Variants in LPCAT3 observed in about 807,000 individuals in gnomAD.
The protein encoded by LPCAT3 is lysophosphatidylcholine acyltransferase 3.
A neutral mutation model predicts 63.4 loss-of-function variants in LPCAT3; 21 were observed. The ratio of observed to expected loss-of-function variants is 0.33; its 90% confidence interval spans 0.23 to 0.48. The LOEUF is 0.48. Among genes scored for constraint, LPCAT3 ranks in the 20% least tolerant of loss-of-function variants. The pLI is 0.99. For missense variants in LPCAT3, 451 were observed against 590.6 expected (o/e 0.76, Z 2.45); for synonymous variants, 242 against 227.5 (o/e 1.06, Z -0.58).
intron 1 of LPCAT3, among the ~76,000 whole-genome samples, chr12:7,007,191 C>T (rs1187564150): frequency 1.3e-5 from 2 of 151,280 alleles, no homozygotes; most frequent in Non-Finnish European, 2.9e-5. Context: ...TTACAAGCGC[C>T]TGCCACCATG....
At chr12:6,985,265 G>A (rs894164356) in intron 1 of LPCAT3, among the ~76,000 whole-genome samples, 2 of 151,922 alleles carry the variant, frequency 1.3e-5, no homozygotes, top group African/African-American at 2.4e-5. Flanking sequence ...GTGTGGTGGC[G>A]GGCGCCTATA....
rs1555153476 is a variant in LPCAT3, at chr12:6,977,629, A to G, written c.1157T>C (p.Met386Thr). Residue 386 changes from methionine to threonine, a missense_variant, in exon 10 of 13, where the codon ATG becomes ACG. Met to Thr is a moderately conservative substitution (Grantham distance 81). Around this residue, in one of 3 missense-constraint regions of LPCAT3, gnomAD observed 304 missense variants for 390.8 expected, o/e 0.78. Transcript: ENST00000261407. This position sits in a 1 kb window ranked among gnomAD's most constrained non-coding sequence, Gnocchi z 4.5. The stretch of plus-strand genomic sequence containing the variant: ...TTCCACAATAACAATGAGGAATTCC[A>G]TCTGGAAGCAGACCAGGTATCCTGA... ...LHSGYLVCFQ[M>T]EFLIVIVERQ... is the part of the protein sequence containing the mutation. 2 of 1,614,188 alleles carry G rather than the reference A, an allele frequency of 1.2e-6. No homozygotes were observed. The highest frequency in any genetic ancestry group is 1.7e-6 in the Non-Finnish European group (2 of 1,180,028).
intron 5 of LPCAT3, 107 bp from the exon 6 acceptor site, chr12:6,981,289 T>G: frequency 1.1e-6 from 1 of 895,940 alleles, no homozygotes; most frequent in Non-Finnish European, 1.7e-6. Flanking sequence ...GTTCTTCAAA[T>G]AGCCTTCTCT....
chr12:6,996,452 T>G (rs1408716774), intron 1 of LPCAT3, among the ~76,000 whole-genome samples: 1 of 152,242 alleles, frequency 6.6e-6, no homozygotes, highest in East Asian at 1.9e-4. Flanking sequence ...TATTACCTTT[T>G]GACATACCAT....
chr12:6,987,082 C>T lies in LPCAT3; in HGVS notation c.152-3543G>A, dbSNP rs1248425424. ...GAGCTGAGATCACGCCATTGCACTC[C>T]AGCTTGGGCAACGAGCAAGATTCTG... On this transcript the variant is annotated intron_variant, in intron 1 of 12. Transcript: ENST00000261407. This position sits in a 1 kb window ranked among gnomAD's most constrained non-coding sequence, Gnocchi z 4.1. Among the ~76,000 whole-genome samples the T allele has an allele frequency of 6.6e-6, 1 of 151,356 alleles. No homozygotes were observed. The highest frequency in any genetic ancestry group is 1.9e-4 in the East Asian group (1 of 5,180).
intron 1 of LPCAT3, among the ~76,000 whole-genome samples, chr12:6,990,740 T>C (rs1346195440): frequency 6.6e-6 from 1 of 150,516 alleles, no homozygotes; most frequent in African/African-American, 2.4e-5. Flanking sequence ...CTGGCCAACA[T>C]GGTGAAACCC....
chr12:7,000,831 T>C (rs911505169), intron 1 of LPCAT3, among the ~76,000 whole-genome samples: 9 of 151,646 alleles, frequency 5.9e-5, no homozygotes, highest in East Asian at 2.0e-4. Flanking sequence ...CTCAGCCTCC[T>C]GGGTAGCTGG....
chr12:7,013,865 C>A (rs2138363196), intron 1 of LPCAT3, among the ~76,000 whole-genome samples: 1 of 152,376 alleles, frequency 6.6e-6, no homozygotes, highest in Middle Eastern at 3.4e-3. Context: ...TTATTCCCCA[C>A]TCAAAAATCT....
At chr12:6,988,839 CTTG>C (rs1179500050) in intron 1 of LPCAT3, among the ~76,000 whole-genome samples, 59 of 152,242 alleles carry the variant, frequency 3.9e-4, no homozygotes, top group African/African-American at 1.2e-3. Context: ...TTTGTAAGAA[CTTG>C]TTGGCCGGGC....
Position 7,018,319 on chromosome 12 carries a change from C to T in LPCAT3, c.106G>A (p.Gly36Ser). 7 of 1,609,828 alleles carry T rather than the reference C, an allele frequency of 4.3e-6. No homozygotes were observed. The highest frequency in any genetic ancestry group is 2.2e-5 in the East Asian group (1 of 44,704). Residue 36 changes from glycine (G) to serine (S), a missense_variant, in exon 1 of 13, where the codon GGC (glycine) becomes AGC (serine). By Grantham distance (56) the Gly-to-Ser change is moderately conservative. Coordinates refer to ENST00000261407, the MANE Select transcript of LPCAT3 (RefSeq NM_005768.6). This position sits in a 1 kb window ranked among gnomAD's most constrained non-coding sequence, Gnocchi z 4.9. ...AGCCGCAGCGCCTGTTCTGACGCGC[C>T]CAGGGACGTCGCCAACTTGTTAAGG... ...LSLNKLATSL[G>S]ASEQALRLII...
chr12:6,996,113 C>T (rs746082414), intron 1 of LPCAT3, among the ~76,000 whole-genome samples: 5 of 152,254 alleles, frequency 3.3e-5, no homozygotes, highest in Non-Finnish European at 5.9e-5. Context: ...TCCCTCTGCC[C>T]GGGCCCCACT....
intron 1 of LPCAT3, among the ~76,000 whole-genome samples, chr12:6,986,118 GCTCTTAAATTTATAGCTTCATGCAA>G (rs1946523309): frequency 5.9e-5 from 9 of 152,016 alleles, no homozygotes; most frequent in Non-Finnish European, 1.5e-5. Context: ...AATAGGCTAG[GCTCTTAAATTTATAGCTTCATGCAA>G]GTATAGTTGA....
intron 1 of LPCAT3, among the ~76,000 whole-genome samples, chr12:6,995,429 G>A (rs1422216700): frequency 6.6e-6 from 1 of 150,516 alleles, no homozygotes; most frequent in African/African-American, 2.4e-5. Flanking sequence ...AGCTGAGATC[G>A]TCTCACTGTA....
In LPCAT3 at chr12:6,990,292, G is replaced by A. The variant is rs782777960; in HGVS notation, c.152-6753C>T. ...CGGGAGGCTGAGGCGGGCGGATCAC[G>A]AGGTCAGGAGATCGAGACCATCCTG... On this transcript the variant is annotated intron_variant, in intron 1 of 12. Coordinates refer to ENST00000261407, the MANE Select transcript of LPCAT3 (RefSeq NM_005768.6). 3.6e-3 allele frequency among the ~76,000 whole-genome samples: 543 copies of A among 151,308 alleles called. 3 individuals carry two copies. Among genetic ancestry groups the A allele is most frequent in the African/African-American group, 0.012 (512 of 41,402 alleles).
chr12:6,985,147 T>C (rs1946509131), intron 1 of LPCAT3, among the ~76,000 whole-genome samples: 1 of 132,430 alleles, frequency 7.6e-6, no homozygotes, highest in Non-Finnish European at 1.6e-5. Context: ...ATCCCAGCAC[T>C]ATGGGAGGCT....
chr12:6,984,132 T>C (rs1555154509), intron 1 of LPCAT3, among the ~76,000 whole-genome samples: 1 of 152,222 alleles, frequency 6.6e-6, no homozygotes, highest in African/African-American at 2.4e-5. Flanking sequence ...GCTGACTGCA[T>C]ATATAGCAGT....
At chr12:6,996,928 G>C (rs1946641195) in intron 1 of LPCAT3, among the ~76,000 whole-genome samples, 1 of 152,138 alleles carries the variant, frequency 6.6e-6, no homozygotes, top group Non-Finnish European at 1.5e-5. Context: ...AAGAGACTGG[G>C]CTAATTTCAA....
rs782297467 is a variant in LPCAT3 at position 6,981,156 on chromosome 12, T to C, written c.525A>G (p.Lys175=). The change falls in exon 6 of 13, where the codon AAA becomes AAG. Residue 175 remains lysine (K), a synonymous_variant. Coordinates refer to ENST00000261407, the MANE Select transcript of LPCAT3 (RefSeq NM_005768.6). ...GGGAAGGAACACCACGTATGGCATA[T>C]TTCTGTTGCTCAGAGGACAAGGAAT... ...DQNSLSSEQQ[K]YAIRGVPSLL... The C allele has an allele frequency of 5.6e-6, 9 of 1,612,000 alleles. No individual in the cohort carries two copies. In the Admixed American group the frequency reaches 1.3e-4, roughly 24 times the overall value.
intron 1 of LPCAT3, among the ~76,000 whole-genome samples, chr12:7,008,724 C>A (rs1946743245): frequency 6.6e-6 from 1 of 151,872 alleles, no homozygotes; most frequent in African/African-American, 2.4e-5. Flanking sequence ...TGCACTCCAG[C>A]CTGGGCAACA....
Sources: gnomAD v4.1 joint callset for allele counts (sites outside exome capture counted in the v4.1 genomes callset) on GRCh38, gnomAD v4.1.1 for gene constraint, gnomAD v4.1.1 regional missense constraint, Gnocchi (gnomAD v3.1) non-coding constraint, MANE v1.5 for transcripts, NCBI Gene and HGNC (gene_info 2026-07-23, HGNC 2026-07-21) for gene names.